Variants in NNMT observed in about 807,000 individuals in gnomAD.
NNMT encodes nicotinamide N-methyltransferase.
In NNMT, 10 loss-of-function variants were observed where a neutral mutation model predicts 11.7. The observed-to-expected ratio is 0.85, with a 90% CI of 0.53 to 1.45. The LOEUF is 1.45. Ranked by LOEUF, NNMT falls within the 40% of genes most tolerant of loss-of-function variation. The pLI is 0.00. For synonymous variants in NNMT, 143 were observed against 133.8 expected, an observed-to-expected ratio of 1.07 and a Z score of -0.48; for missense variants, 381 against 319.4, an observed-to-expected ratio of 1.19 and a Z score of -1.47.
At position 114,312,569 on chromosome 11, in the gene NNMT, C is replaced by T. The variant is rs1945564196; in HGVS notation, c.*92C>T. On this transcript the variant is annotated 3_prime_UTR_variant, in exon 3 of 3. Transcript: ENST00000299964. ...TGCCAAGTCATGTGCTGAGTAGAGGCTCAGTGGTTGGGGCCCAATGGTTCA... is the reference window on the plus strand; with the variant it reads ...TGCCAAGTCATGTGCTGAGTAGAGGTTCAGTGGTTGGGGCCCAATGGTTCA... 7.6e-7 allele frequency: 1 copy of T among 1,314,204 alleles called. No individual in the cohort carries two copies. The highest frequency in any genetic ancestry group is 1.1e-6 in the Non-Finnish European group (1 of 947,556). 81.4% of individuals were successfully genotyped at this position (1,314,204 alleles called of 1,614,324 possible). A position where few individuals can be genotyped will look rare whatever the true frequency, so the allele number is the denominator to read the frequency against.
At chr11:114,306,043 A>G (rs1015045903) in intron 2 of NNMT, among the ~76,000 whole-genome samples, 3 of 152,148 alleles carry the variant, frequency 2.0e-5, no homozygotes, top group African/African-American at 7.2e-5. Flanking sequence ...TCACCATTCT[A>G]AGTGGTGTGA....
At chr11:114,293,208 C>T (rs1170979096), upstream of NNMT, among the ~76,000 whole-genome samples, 3 of 152,110 alleles carry the variant, frequency 2.0e-5, no homozygotes. Context: ...ACAAAGACAC[C>T]CTGCTTCCAT....
At chr11:114,309,178 G>A (rs1038005207) in intron 2 of NNMT, among the ~76,000 whole-genome samples, 2 of 152,160 alleles carry the variant, frequency 1.3e-5, no homozygotes, top group African/African-American at 4.8e-5. Context: ...CCTATGTGCA[G>A]ATAGGTTACT....
chr11:114,310,388 T>C lies in NNMT; in HGVS notation c.363-1657T>C, dbSNP rs2135285405. ...GAGCATCTTTTCATCTGCTAATTGC[T>C]AAGCTCCTTAAATGGAAAATTATAG... On this transcript the variant is annotated intron_variant, in intron 2 of 2. Coordinates refer to ENST00000299964, the MANE Select transcript of NNMT (RefSeq NM_006169.3). 2.0e-5 allele frequency among the ~76,000 whole-genome samples: 3 copies of C among 152,368 alleles called. No individual in the cohort carries two copies. In the South Asian group the frequency reaches 6.2e-4, roughly 32 times the overall value.
chr11:114,311,232 G>A (rs1212981813), intron 2 of NNMT, among the ~76,000 whole-genome samples: 1 of 152,222 alleles, frequency 6.6e-6, no homozygotes, highest in Non-Finnish European at 1.5e-5. Flanking sequence ...GGGAGGCTGA[G>A]GTGGGGAGGA....
chr11:114,263,684 C>A (rs1297525789), intron 2 of NNMT, among the ~76,000 whole-genome samples: 2 of 152,228 alleles, frequency 1.3e-5, no homozygotes, highest in African/African-American at 2.4e-5. Context: ...TTAAGTCCCC[C>A]TTTAAAAGTC....
At chr11:114,291,454 T>C (rs1945334355), upstream of NNMT, among the ~76,000 whole-genome samples, 1 of 152,196 alleles carries the variant, frequency 6.6e-6, no homozygotes, top group African/African-American at 2.4e-5. Flanking sequence ...TGGAGGGACA[T>C]GCAAGGCTTG....
At chr11:114,302,511 A>G (rs1013722505) in intron 2 of NNMT, among the ~76,000 whole-genome samples, 1 of 152,138 alleles carries the variant, frequency 6.6e-6, no homozygotes, top group Non-Finnish European at 1.5e-5. Flanking sequence ...GTATAACACT[A>G]TAATACATAT....
intron 2 of NNMT, among the ~76,000 whole-genome samples, chr11:114,282,028 C>A (rs1168082740): frequency 6.6e-6 from 1 of 150,646 alleles, no homozygotes; most frequent in Non-Finnish European, 1.5e-5. Flanking sequence ...GATCATAAAC[C>A]CCAGCCTGGG....
chr11:114,279,864 T>C (rs937440447), intron 2 of NNMT, among the ~76,000 whole-genome samples: 25 of 152,082 alleles, frequency 1.6e-4, no homozygotes, highest in Middle Eastern at 3.2e-3. Flanking sequence ...TTGGGGGAGA[T>C]AATGGAGTCT....
At chr11:114,266,619 T>A (rs755194385) in intron 2 of NNMT, among the ~76,000 whole-genome samples, 10 of 151,310 alleles carry the variant, frequency 6.6e-5, no homozygotes, top group Non-Finnish European at 1.2e-4. Flanking sequence ...TGCCTCTCAG[T>A]GGGGTCTTAC....
intron 1 of NNMT, among the ~76,000 whole-genome samples, chr11:114,259,159 A>C (rs1232015069): frequency 6.6e-6 from 1 of 152,104 alleles, no homozygotes; most frequent in Non-Finnish European, 1.5e-5. Context: ...CATGATAGGC[A>C]CCCGGTAAAT....
intron 2 of NNMT, among the ~76,000 whole-genome samples, chr11:114,286,945 C>T (rs1256056546): frequency 6.6e-6 from 1 of 152,138 alleles, no homozygotes; most frequent in East Asian, 1.9e-4. Flanking sequence ...GTGATTTTTG[C>T]CAGTTTGATG....
Position 114,272,694 on chromosome 11 carries a change from C to T in NNMT, c.-130+9760C>T, listed in dbSNP as rs145074108. On this transcript the variant is annotated intron_variant, in intron 2 of 4. Coordinates refer to the NNMT transcript ENST00000535401. ...GCAGGGTGGCCTTGACTGCTCTGCC[C>T]GTCACCAGTGTGGCTCATGAAAACA... 2.9e-3 allele frequency among the ~76,000 whole-genome samples: 435 copies of T among 152,292 alleles called. 5 individuals are homozygous for T. The highest frequency in any genetic ancestry group is 0.017 in the East Asian group (88 of 5,174).
chr11:114,304,067 A>G (rs1945467236), intron 2 of NNMT, among the ~76,000 whole-genome samples: 1 of 152,242 alleles, frequency 6.6e-6, no homozygotes. Flanking sequence ...GATTCTACAG[A>G]ATGAAATTGA....
At chr11:114,288,518 A>C (rs1945314199) in intron 2 of NNMT, among the ~76,000 whole-genome samples, 1 of 151,704 alleles carries the variant, frequency 6.6e-6, no homozygotes, top group Non-Finnish European at 1.5e-5. Context: ...GATTTGTATT[A>C]ATTGAATTTT....
intron 2 of NNMT, among the ~76,000 whole-genome samples, chr11:114,303,347 C>A (rs1370865620): frequency 6.6e-6 from 1 of 152,166 alleles, no homozygotes; most frequent in Non-Finnish European, 1.5e-5. Flanking sequence ...TGGCATCTCT[C>A]TTACCAGTAT....
At chr11:114,272,031 T>G (rs970268189) in intron 2 of NNMT, among the ~76,000 whole-genome samples, 5 of 152,148 alleles carry the variant, frequency 3.3e-5, no homozygotes, top group African/African-American at 9.7e-5. Flanking sequence ...GGAAACTTCC[T>G]TCATTGGCTG....
intron 2 of NNMT, among the ~76,000 whole-genome samples, chr11:114,264,868 G>T (rs1945108543): frequency 6.6e-6 from 1 of 152,200 alleles, no homozygotes; most frequent in East Asian, 1.9e-4. Context: ...TATGGGAAGG[G>T]GCTTGGCACT....
Sources: allele counts gnomAD v4.1 joint callset (sites outside exome capture counted in the v4.1 genomes callset), GRCh38; gene constraint gnomAD v4.1.1; transcripts MANE v1.5; gene names NCBI Gene and HGNC (gene_info 2026-07-23, HGNC 2026-07-21).